Variants in ZNF837 observed in about 807,000 individuals in gnomAD.
ZNF837 encodes the protein zinc finger protein 837.
For synonymous variants in ZNF837, 475 were observed against 365.2 expected (o/e 1.30, Z -3.43); for missense variants, 955 against 801.7 (o/e 1.19, Z -2.31).
rs1207620755 is a variant in ZNF837 at position 58,367,835 on chromosome 19, C to CGTG, written c.1497_1498insCAC (p.Gly499_Glu500insHis). 1.3e-6 allele frequency: 2 copies of CGTG among 1,535,834 alleles called. No homozygotes were observed. The highest frequency in any genetic ancestry group is 1.7e-6 in the Non-Finnish European group (2 of 1,144,878). ...CAATCTCCGCACGCGTAGGGCCGCTCGCCCGTGTGCGTGCGCAGGTGGCGC... is the reference window on the plus strand; with the variant it reads ...CAATCTCCGCACGCGTAGGGCCGCTCGTGGCCCGTGTGCGTGCGCAGGTGGCGC... On this transcript the variant is annotated inframe_insertion, in exon 3 of 3. Transcript: ENST00000597582.
Position 58,367,826 on chromosome 19 carries a change from A to C in ZNF837, c.1507T>G (p.Tyr503Asp). 6.5e-7 allele frequency: 1 copy of C among 1,536,342 alleles called. No individual in the cohort carries two copies. The highest frequency in any genetic ancestry group is 8.7e-7 in the Non-Finnish European group (1 of 1,145,252). Residue 503 changes from tyrosine to aspartate, a missense_variant, in exon 3 of 3, where the codon TAC becomes GAC. By Grantham distance (160) the Tyr-to-Asp change is radical. Transcript: ENST00000597582. ...HLRTHTGERP[Y>D]ACGDCGRAFS... Reference sequence around the variant, plus strand: ...GCGCGGCCGCAATCTCCGCACGCGTAGGGCCGCTCGCCCGTGTGCGTGCGC... The same window carrying C: ...GCGCGGCCGCAATCTCCGCACGCGTCGGGCCGCTCGCCCGTGTGCGTGCGC...
Position 58,369,207 on chromosome 19 carries a change from G to A in ZNF837, c.126C>T (p.Ser42=). ...GCAGGTCCCCCTTTTGAGTGGGGCG[G>A]CTCCCAGCTCGGTCCTCTTCGAGGG... The part of the protein sequence containing the change: ...PRPLEEDRAG[S]RPTQKGDLRG... The change falls in exon 3 of 3, where the codon AGC becomes AGT. Residue 42 remains serine (S), a synonymous_variant. Coordinates refer to ENST00000597582, the MANE Select transcript of ZNF837 (RefSeq NM_138466.2). 1 of 1,444,506 alleles carries A rather than the reference G, an allele frequency of 6.9e-7. No homozygotes were observed. The allele number at this position is 1,444,506 out of a possible 1,614,324, so 89.5% of individuals were successfully genotyped here. A position where few individuals can be genotyped will look rare whatever the true frequency, so the allele number is the denominator to read the frequency against.
rs1176162310 is a variant in ZNF837, at chr19:58,368,021, G to A, written c.1312C>T (p.Gln438Ter). The A allele has an allele frequency of 3.3e-6, 5 of 1,535,316 alleles. No homozygotes were observed. The South Asian group carries it at 6.0e-5, about 18-fold the overall frequency. Residue 438 changes from glutamine to a stop codon, truncating the protein, a stop_gained, in exon 3 of 3, where the codon CAG becomes TAG. Transcript: ENST00000597582. LOFTEE classifies it low-confidence loss of function (END_TRUNC). ...GGCCGCTCGCCGGTGTGCGCGCGCT[G>A]GTGTTGCACCAGGCCCGAGCGGCCC... The part of the protein sequence containing the change: ...FKGRSGLVQH[Q>*]RAHTGERPYG...
intron 1 of ZNF837, among the ~76,000 whole-genome samples, chr19:58,375,511 GATCTC>G (rs2052237848): frequency 6.6e-6 from 1 of 151,124 alleles, no homozygotes; most frequent in African/African-American, 2.4e-5. Flanking sequence ...GCAGTGGTGT[GATCTC>G]AGCTCACTGC....
chr19:58,377,148 C>G (rs189101300), intron 1 of ZNF837, among the ~76,000 whole-genome samples: 11 of 147,658 alleles, frequency 7.4e-5, no homozygotes, highest in African/African-American at 2.8e-4. Flanking sequence ...ATCCGGGAGG[C>G]GGAGGTTGCA....
chr19:58,375,304 AT>A (rs2052235012), intron 1 of ZNF837, among the ~76,000 whole-genome samples: 2 of 49,876 alleles, frequency 4.0e-5, no homozygotes, highest in African/African-American at 8.9e-5. Context: ...ATATATATAT[AT>A]ATATATAAAA....
At position 58,367,792 on chromosome 19, in the gene ZNF837, T is replaced by C. The variant is rs934400852; in HGVS notation, c.1541A>G (p.Gln514Arg). The change falls in exon 3 of 3, where the codon CAA becomes CGA. Residue 514 changes from glutamine (Q) to arginine (R), a missense_variant. Gln to Arg is a conservative substitution (Grantham distance 43). Transcript: ENST00000597582. ...CCGGTGCTCGTTGAGGTTGGAGCGT[T>C]GGCTGAAGGCGCGGCCGCAATCTCC... ...ACGDCGRAFSQRSNLNEHRKR... is the reference protein window; with the variant it reads ...ACGDCGRAFSRRSNLNEHRKR... The C allele has an allele frequency of 2.1e-5, 33 of 1,536,196 alleles. No homozygotes were observed. In the Admixed American group the frequency reaches 5.1e-4, roughly 24 times the overall value.
At chr19:58,369,415 G>A (rs2052180053) in intron 2 of ZNF837, 54 bp from the exon 3 acceptor site, 1 of 1,307,106 alleles carries the variant, frequency 7.7e-7, no homozygotes, top group South Asian at 2.4e-5. Context: ...GAGAGAAGTG[G>A]AGAACTGGGC....
At chr19:58,380,603 G>A (rs1170898455) in intron 1 of ZNF837, among the ~76,000 whole-genome samples, 1 of 152,232 alleles carries the variant, frequency 6.6e-6, no homozygotes, top group Non-Finnish European at 1.5e-5. Context: ...GGAGGCCGGC[G>A]TCGGCCTCGG....
chr19:58,369,159 C>T lies in ZNF837; in HGVS notation c.174G>A (p.Thr58=), dbSNP rs563090172. Residue 58 remains threonine (T), a synonymous_variant, in exon 3 of 3, where the codon ACG becomes ACA. Transcript: ENST00000597582. ...GDLRGAAGGR[T]TPPGGGSRGC... ...CCCGGGAGCCCCCGCCTGGGGGAGTCGTCCTACCGCCCGCCGCTCCACGCA... is the reference window on the plus strand; with the variant it reads ...CCCGGGAGCCCCCGCCTGGGGGAGTTGTCCTACCGCCCGCCGCTCCACGCA... The T allele has an allele frequency of 6.2e-6, 9 of 1,451,342 alleles. No homozygotes were observed. The African/African-American group carries it at 1.2e-4, about 19-fold the overall frequency. 89.9% of individuals were successfully genotyped at this position (1,451,342 alleles called of 1,614,324 possible). A position where few individuals can be genotyped will look rare whatever the true frequency, so the allele number is the denominator to read the frequency against.
intron 1 of ZNF837, among the ~76,000 whole-genome samples, chr19:58,379,076 G>C (rs759604005): frequency 1.2e-4 from 19 of 152,184 alleles, no homozygotes; most frequent in Non-Finnish European, 2.8e-4. Flanking sequence ...ATAGAGACTG[G>C]TCTAGCACCC....
In ZNF837 at chr19:58,369,291, G is replaced by C; in HGVS notation, c.42C>G (p.Pro14=). ...PAQKAGQGGL[P]KADAQGASGA... ...CGGAGGCACCCTGGGCATCGGCCTT[G>C]GGGAGTCCTCCCTGCCCAGCCTTCT... Residue 14 remains proline (P), a synonymous_variant, in exon 3 of 3, where the codon CCC becomes CCG. Transcript: ENST00000597582. 1 of 1,394,078 alleles carries C rather than the reference G, an allele frequency of 7.2e-7. No individual in the cohort carries two copies. Among genetic ancestry groups the C allele is most frequent in the Non-Finnish European group, 9.3e-7 (1 of 1,079,914 alleles). 86.4% of individuals were successfully genotyped at this position (1,394,078 alleles called of 1,614,324 possible). A position where few individuals can be genotyped will look rare whatever the true frequency, so the allele number is the denominator to read the frequency against.
chr19:58,377,468 A>G (rs2052258589), intron 1 of ZNF837, among the ~76,000 whole-genome samples: 1 of 140,852 alleles, frequency 7.1e-6, no homozygotes, highest in African/African-American at 2.7e-5. Flanking sequence ...TGACAGAACG[A>G]GACTCCATCT....
intron 1 of ZNF837, among the ~76,000 whole-genome samples, chr19:58,370,437 C>T (rs2052189390): frequency 6.6e-6 from 1 of 152,208 alleles, no homozygotes; most frequent in South Asian, 2.1e-4. Flanking sequence ...TCATCACACT[C>T]AGTTCTTTTG....
rs1445433884 is a variant in ZNF837, at chr19:58,368,806, G to A, written c.527C>T (p.Ala176Val). ...DCWPCQPGTG[A>V]PTCPRTPKPT... ...CTTTGGGGTCCTCGGGCAGGTCGGA[G>A]CGCCAGTCCCTGGTTGGCACGGCCA... The change falls in exon 3 of 3, where the codon GCT (alanine) becomes GTT (valine). Residue 176 changes from alanine (A) to valine (V), a missense_variant. Coordinates refer to ENST00000597582, the MANE Select transcript of ZNF837 (RefSeq NM_138466.2). The A allele has an allele frequency of 4.5e-6, 7 of 1,545,586 alleles. No homozygotes were observed. The highest frequency in any genetic ancestry group is 6.1e-6 in the Non-Finnish European group (7 of 1,146,670).
intron 1 of ZNF837, among the ~76,000 whole-genome samples, chr19:58,380,386 G>A (rs2052280161): frequency 6.6e-6 from 1 of 152,196 alleles, no homozygotes; most frequent in South Asian, 2.1e-4. Flanking sequence ...AGTGAGTGAA[G>A]GAGGGGACCG....
Position 58,368,495 on chromosome 19 carries a change from A to G in ZNF837, c.838T>C (p.Phe280Leu). 1 of 1,558,204 alleles carries G rather than the reference A, an allele frequency of 6.4e-7. No homozygotes were observed. Among genetic ancestry groups the G allele is most frequent in the South Asian group, 1.2e-5 (1 of 84,958 alleles). The change falls in exon 3 of 3, where the codon TTC becomes CTC. Residue 280 changes from phenylalanine (F) to leucine (L), a missense_variant. Physicochemically the swap from Phe to Leu is conservative, Grantham distance 22. Transcript: ENST00000597582. ...TGCAGCAGGCTGGAGGTGCGCGTGA[A>G]GGCCTTGCCGCACTCGTCGCAAGCG... Reference protein sequence around the residue: ...LYACDECGKAFTRTSSLLQHQ... With the variant: ...LYACDECGKALTRTSSLLQHQ...
In ZNF837 at chr19:58,367,824, G is replaced by A; in HGVS notation, c.1509C>T (p.Tyr503=). The A allele has an allele frequency of 6.5e-7, 1 of 1,536,308 alleles. No homozygotes were observed. The highest frequency in any genetic ancestry group is 8.7e-7 in the Non-Finnish European group (1 of 1,145,290). ...HLRTHTGERP[Y]ACGDCGRAFS... is the part of the protein sequence containing the mutation. ...AGGCGCGGCCGCAATCTCCGCACGCGTAGGGCCGCTCGCCCGTGTGCGTGC... is the reference window on the plus strand; with the variant it reads ...AGGCGCGGCCGCAATCTCCGCACGCATAGGGCCGCTCGCCCGTGTGCGTGC... The change falls in exon 3 of 3, where the codon TAC becomes TAT. Residue 503 remains tyrosine (Y), a synonymous_variant. Coordinates refer to ENST00000597582, the MANE Select transcript of ZNF837 (RefSeq NM_138466.2).
In ZNF837 at chr19:58,368,996, C is replaced by T. The variant is rs2052173478; in HGVS notation, c.337G>A (p.Gly113Ser). 1.1e-5 allele frequency: 16 copies of T among 1,519,944 alleles called. No individual in the cohort carries two copies. Among genetic ancestry groups the T allele is most frequent in the Non-Finnish European group, 1.4e-5 (16 of 1,130,668 alleles). 94.2% of individuals were successfully genotyped at this position (1,519,944 alleles called of 1,614,324 possible). A position where few individuals can be genotyped will look rare whatever the true frequency, so the allele number is the denominator to read the frequency against. The change falls in exon 3 of 3, where the codon GGC becomes AGC. Residue 113 changes from glycine to serine, a missense_variant. Coordinates refer to ENST00000597582, the MANE Select transcript of ZNF837 (RefSeq NM_138466.2). ...VIPEGLQARE[G>S]PCRSPARGGD... The stretch of plus-strand genomic sequence containing the variant: ...CCACGCGCTGGGCTCCTACAGGGGC[C>T]CTCCCGGGCTTGCAGCCCCTCGGGG...
Sources: gnomAD v4.1 joint callset for allele counts (sites outside exome capture counted in the v4.1 genomes callset) on GRCh38, gnomAD v4.1.1 for gene constraint, MANE v1.5 for transcripts, NCBI Gene and HGNC (gene_info 2026-07-23, HGNC 2026-07-21) for gene names.